The following ABCC1 variants were observed in gnomAD, a reference collection of about 807,000 sequenced individuals.
The protein encoded by ABCC1 is ATP binding cassette subfamily C member 1 (ABCC1 blood group).
In ABCC1, 83 loss-of-function variants were observed where a neutral mutation model predicts 172.9. That is an observed-to-expected ratio of 0.48 (90% CI 0.40 to 0.58). The LOEUF is 0.58. Among genes scored for constraint, ABCC1 ranks in the 20% least tolerant of loss-of-function variants. The pLI, the probability that ABCC1 is intolerant of heterozygous loss-of-function variation, is 0.00. For missense variants in ABCC1, 1,817 were observed against 2,002.7 expected (o/e 0.91, Z 1.77); for synonymous variants, 937 against 825.2 (o/e 1.14, Z -2.32).
intron 23 of ABCC1, among the ~76,000 whole-genome samples, chr16:16,118,118 A>C (rs1451544056): frequency 6.6e-6 from 1 of 152,256 alleles, no homozygotes; most frequent in Non-Finnish European, 1.5e-5. Flanking sequence ...AAGTCTGTCC[A>C]ATTCCAAAAC....
chr16:16,007,850 AC>A lies in ABCC1; in HGVS notation c.84del (p.Phe29SerfsTer39). On this transcript the variant is annotated frameshift_variant, in exon 2 of 31. Transcript: ENST00000399410. LOFTEE classifies it high-confidence loss of function. ...GTCACGTGGAATACCAGCAACCCCG[AC>A]TTCACCAAGTGCTTTCAGAACACGG... is the stretch of plus-strand genomic sequence containing the variant. ...WNVTWNTSNP[D>X]FTKCFQNTVL... 1 of 1,613,096 alleles carries A rather than the reference AC, an allele frequency of 6.2e-7. No homozygotes were observed. Among genetic ancestry groups the A allele is most frequent in the African/African-American group, 1.3e-5 (1 of 74,960 alleles).
chr16:15,958,474 T>G (rs1327600890), intron 1 of ABCC1, among the ~76,000 whole-genome samples: 1 of 152,168 alleles, frequency 6.6e-6, no homozygotes, highest in African/African-American at 2.4e-5. Flanking sequence ...GGAACCCACT[T>G]TGGCACCTGT....
intron 1 of ABCC1, among the ~76,000 whole-genome samples, chr16:16,000,751 T>C (rs2047280376): frequency 6.6e-6 from 1 of 152,196 alleles, no homozygotes; most frequent in Non-Finnish European, 1.5e-5. Context: ...CAAACTACTG[T>C]GCCTAGCCAG....
In ABCC1 at chr16:16,038,491, G is replaced by C. The variant is rs528543411; in HGVS notation, c.809+1888G>C. 3.9e-5 allele frequency among the ~76,000 whole-genome samples: 6 copies of C among 152,292 alleles called. No homozygotes were observed. The South Asian group carries it at 1.2e-3, about 32-fold the overall frequency. ...CCTGGCTGCAGAAGAGAGAGTGCCTGCATTTGCCATTACTCTGACTTTTTG... is the reference window on the plus strand; with the variant it reads ...CCTGGCTGCAGAAGAGAGAGTGCCTCCATTTGCCATTACTCTGACTTTTTG... On this transcript the variant is annotated intron_variant, in intron 7 of 30. Transcript: ENST00000399410.
chr16:16,009,689 C>CT, intron 2 of ABCC1, 87 bp from the exon 3 acceptor site: 2 of 1,383,840 alleles, frequency 1.4e-6, no homozygotes. Context: ...GCTGGTTCTC[C>CT]TATCCCTGGG....
intron 10 of ABCC1, among the ~76,000 whole-genome samples, chr16:16,048,931 C>T (rs770150961): frequency 6.6e-5 from 10 of 151,500 alleles, no homozygotes; most frequent in Non-Finnish European, 1.3e-4. Context: ...TGCGGTGAGC[C>T]GAGATTGGGC....
chr16:16,026,432 CAAAAAAAAAA>C (rs386384354), intron 5 of ABCC1, among the ~76,000 whole-genome samples: 6 of 59,224 alleles, frequency 1.0e-4, no homozygotes, highest in South Asian at 8.2e-4. Flanking sequence ...GAAACCGTCT[CAAAAAAAAAA>C]AAAAAAAAAA....
chr16:16,047,211 A>G (rs912092858), intron 9 of ABCC1, among the ~76,000 whole-genome samples: 11 of 151,970 alleles, frequency 7.2e-5, no homozygotes, highest in African/African-American at 2.7e-4. Context: ...AAACAAAAAA[A>G]CTTCCTGACA....
At chr16:16,132,503 GT>G (rs2045728513) in intron 27 of ABCC1, among the ~76,000 whole-genome samples, 1 of 81,382 alleles carries the variant, frequency 1.2e-5, no homozygotes, top group African/African-American at 4.9e-5. Flanking sequence ...TTGTTTTTTG[GT>G]TGGTTGTTTT....
At chr16:16,042,628 A>G (rs1412324355) in intron 7 of ABCC1, among the ~76,000 whole-genome samples, 3 of 151,598 alleles carry the variant, frequency 2.0e-5, no homozygotes, top group African/African-American at 7.3e-5. Context: ...GCTTGAACGC[A>G]GGAGGCGGAG....
intron 5 of ABCC1, among the ~76,000 whole-genome samples, chr16:16,017,085 G>C (rs951083996): frequency 1.5e-4 from 7 of 46,564 alleles, no homozygotes; most frequent in Non-Finnish European, 4.7e-4. Flanking sequence ...CCTGGCCCCT[G>C]AGGGATTTGA....
At chr16:16,126,100 A>G (rs894218871) in intron 26 of ABCC1, among the ~76,000 whole-genome samples, 189 bp downstream of exon 26, 2 of 152,220 alleles carry the variant, frequency 1.3e-5, no homozygotes, top group African/African-American at 4.8e-5. Flanking sequence ...AAAATAGTTT[A>G]CCGGCTTTAC....
At chr16:16,006,648 A>G (rs1454812739) in intron 1 of ABCC1, among the ~76,000 whole-genome samples, 3 of 152,226 alleles carry the variant, frequency 2.0e-5, no homozygotes, top group South Asian at 2.1e-4. Flanking sequence ...GACTTGAACA[A>G]CATTGCCCGA....
chr16:16,066,190 C>CT (rs71137908), intron 12 of ABCC1, among the ~76,000 whole-genome samples: 16,366 of 151,170 alleles, frequency 0.11, 1,060 homozygotes, highest in Middle Eastern at 0.25. Flanking sequence ...TGACTGTTTT[C>CT]TTTTTTTTTG....
At chr16:16,051,142 C>T (rs58038172) in intron 10 of ABCC1, among the ~76,000 whole-genome samples, 2,778 of 151,602 alleles carry the variant, frequency 0.018, 79 homozygotes, top group African/African-American at 0.063. Context: ...GTTGTGGGGG[C>T]TGTCTTTTTT....
chr16:15,996,691 A>G (rs2047066542), intron 1 of ABCC1, among the ~76,000 whole-genome samples: 1 of 152,024 alleles, frequency 6.6e-6, no homozygotes, highest in Non-Finnish European at 1.5e-5. Context: ...TCTGTGCAGA[A>G]CCTGTGCCAT....
intron 18 of ABCC1, among the ~76,000 whole-genome samples, 184 bp from the exon 19 acceptor site, chr16:16,090,221 A>C (rs954524950): frequency 1.3e-5 from 2 of 152,152 alleles, no homozygotes; most frequent in Non-Finnish European, 2.9e-5. Context: ...TGCATGTTAC[A>C]GGACCGTGTG....
intron 21 of ABCC1, among the ~76,000 whole-genome samples, chr16:16,108,471 A>G (rs1440485523): frequency 6.7e-6 from 1 of 149,722 alleles, no homozygotes; most frequent in Non-Finnish European, 1.5e-5. Flanking sequence ...GCGTTTCACT[A>G]TGTTGGCCAG....
At chr16:16,071,333 A>G (rs1008962812) in intron 13 of ABCC1, among the ~76,000 whole-genome samples, 2 of 151,502 alleles carry the variant, frequency 1.3e-5, no homozygotes, top group Non-Finnish European at 2.9e-5. Context: ...CCTGACCTCA[A>G]GTGATCTGCC....
Sources: gnomAD v4.1 joint callset for allele counts (sites outside exome capture counted in the v4.1 genomes callset) on GRCh38, gnomAD v4.1.1 for gene constraint, MANE v1.5 for transcripts, NCBI Gene and HGNC (gene_info 2026-07-23, HGNC 2026-07-21) for gene names.